The following MPP4 variants were observed in gnomAD, a reference collection of about 807,000 sequenced individuals.
MPP4 encodes the protein MAGUK p55 subfamily member 4.
In MPP4, 91 loss-of-function variants were observed where a neutral mutation model predicts 98.3. That is an observed-to-expected ratio of 0.93 (90% CI 0.78 to 1.10). MPP4 has a LOEUF of 1.10. Among genes scored for constraint, MPP4 ranks in the 50% least tolerant of loss-of-function variants. The probability of loss-of-function intolerance (pLI) is 0.00; values close to 1 mark genes in which losing one functional copy is unlikely to be tolerated. For synonymous variants in MPP4, 261 were observed against 271.8 expected (o/e 0.96, Z 0.39); for missense variants, 744 against 792.9 (o/e 0.94, Z 0.74).
At chr2:201,656,453 A>G (rs1238928369) in intron 16 of MPP4, 85 bp from the exon 17 acceptor site, 5 of 1,306,642 alleles carry the variant, frequency 3.8e-6, no homozygotes, top group South Asian at 1.5e-5. Context: ...TGTAGCAACC[A>G]TGATCCTAAA....
intron 13 of MPP4, among the ~76,000 whole-genome samples, chr2:201,664,792 G>A (rs1318250802): frequency 6.6e-6 from 1 of 152,142 alleles, no homozygotes; most frequent in Non-Finnish European, 1.5e-5. Context: ...GCAATTCATT[G>A]TAGCACTGTT....
At chr2:201,690,959 A>G (rs1254615984) in intron 3 of MPP4, among the ~76,000 whole-genome samples, 1 of 152,204 alleles carries the variant, frequency 6.6e-6, no homozygotes, top group East Asian at 1.9e-4. Flanking sequence ...TATTTTAGGA[A>G]TTGAGTTTCT....
intron 7 of MPP4, among the ~76,000 whole-genome samples, chr2:201,683,742 ACT>A (rs1425469726): frequency 1.3e-5 from 2 of 149,666 alleles, no homozygotes; most frequent in Non-Finnish European, 3.0e-5. Context: ...ACAGAGTGAG[ACT>A]CTGTCTCAAA....
chr2:201,684,327 C>A (rs534234008), intron 7 of MPP4, among the ~76,000 whole-genome samples: 1 of 152,146 alleles, frequency 6.6e-6, no homozygotes, highest in East Asian at 1.9e-4. Flanking sequence ...AAGAGCTATG[C>A]CTTTCTGAAA....
chr2:201,648,559 AAG>A (rs1470184397), intron 20 of MPP4, among the ~76,000 whole-genome samples: 3 of 152,368 alleles, frequency 2.0e-5, no homozygotes, highest in African/African-American at 4.8e-5. Context: ...CTAGCAGAGT[AAG>A]AGTCTATACA....
chr2:201,681,557 C>T lies in MPP4; in HGVS notation c.671G>A (p.Arg224Gln), dbSNP rs370307780. The T allele has an allele frequency of 1.6e-4, 264 of 1,613,254 alleles. 1 individual carries two copies. The highest frequency in any genetic ancestry group is 4.0e-4 in the South Asian group (36 of 90,970). Residue 224 changes from arginine to glutamine, a missense_variant, in exon 9 of 22, where the codon CGA becomes CAA. By Grantham distance (43) the Arg-to-Gln change is conservative. Coordinates refer to ENST00000409474, the MANE Select transcript of MPP4 (RefSeq NM_033066.3). ...EQVIHILAMS[R>Q]GTIMFKVVPV... is the part of the protein sequence containing the mutation. ...AACCACCTTGAACATGATTGTGCCT[C>T]GAGACATGGCCTGGAAAATAAGAGA...
chr2:201,658,634 G>T, intron 15 of MPP4, 116 bp from the exon 16 acceptor site: 1 of 816,110 alleles, frequency 1.2e-6, no homozygotes. Flanking sequence ...CGGCAGCAGA[G>T]TTGAATTTAT....
At chr2:201,650,774 G>A (rs190854043) in intron 18 of MPP4, 1,181 of 985,368 alleles carry the variant, frequency 1.2e-3, no homozygotes, top group Non-Finnish European at 1.3e-3. Context: ...TTGACCAGAT[G>A]CATTAATACC....
chr2:201,666,530 G>GCCTA, intron 12 of MPP4, 158 bp from the exon 13 acceptor site: 1 of 524,716 alleles, frequency 1.9e-6, no homozygotes, highest in Non-Finnish European at 3.3e-6. Flanking sequence ...AGACCAACTT[G>GCCTA]ACCGACATGG....
Position 201,648,108 on chromosome 2 carries a change from C to T in MPP4, c.1585-283G>A, listed in dbSNP as rs114495813. Among the ~76,000 whole-genome samples the T allele has an allele frequency of 6.2e-3, 943 of 152,254 alleles. 9 individuals are homozygous for T. Among genetic ancestry groups the T allele is most frequent in the African/African-American group, 0.022 (916 of 41,542 alleles). ...TGGGATCTCTGCTCACTGCAACTAC[C>T]GCCTTCCCAGTTCAAGCAATTCTTG... On this transcript the variant is annotated intron_variant, in intron 20 of 21. Coordinates refer to ENST00000409474, the MANE Select transcript of MPP4 (RefSeq NM_033066.3).
In MPP4 at chr2:201,657,610, T is replaced by TTG. The variant is rs1553492626; in HGVS notation, c.1129+866_1129+867insCA. Among the ~76,000 whole-genome samples the TTG allele has an allele frequency of 3.4e-4, 47 of 137,602 alleles. 1 individual carries two copies. The highest frequency in any genetic ancestry group is 5.9e-4 in the Admixed American group (8 of 13,598). The allele number at this position is 137,602 out of a possible 152,430, so 90.3% of individuals were successfully genotyped here. ...CCCTTGTTTTTTTTTTGTTTTTTTG[T>TTG]TTTTTTTTGCTTATTGTATCAATCA... On this transcript the variant is annotated intron_variant, in intron 16 of 21. Coordinates refer to ENST00000409474, the MANE Select transcript of MPP4 (RefSeq NM_033066.3).
In MPP4 at chr2:201,666,387, A is replaced by G; in HGVS notation, c.1013-15T>C. The G allele has an allele frequency of 1.3e-6, 2 of 1,526,790 alleles. No homozygotes were observed. Among genetic ancestry groups the G allele is most frequent in the South Asian group, 1.3e-5 (1 of 79,556 alleles). 94.6% of individuals were successfully genotyped at this position (1,526,790 alleles called of 1,614,324 possible). A position where few individuals can be genotyped will look rare whatever the true frequency, so the allele number is the denominator to read the frequency against. ...CATGTCATCTTCTATAAAAGAGTAT[A>G]GAAAGGGAGAAACAGAATTTAAAAT... On this transcript the variant is annotated splice_polypyrimidine_tract_variant and intron_variant, in intron 12 of 21. Coordinates refer to ENST00000409474, the MANE Select transcript of MPP4 (RefSeq NM_033066.3).
chr2:201,660,401 G>T (rs1687991695), intron 14 of MPP4, 55 bp from the exon 15 acceptor site: 21 of 1,586,904 alleles, frequency 1.3e-5, no homozygotes, highest in Non-Finnish European at 1.7e-5. Context: ...CCTTTAAGAA[G>T]ATCATGTTAG....
intron 11 of MPP4, 116 bp from the exon 12 acceptor site, chr2:201,669,866 G>T: frequency 1.3e-6 from 1 of 748,300 alleles, no homozygotes; most frequent in East Asian, 3.4e-5. Flanking sequence ...ATTGTAATTA[G>T]TATTCTGGGT....
intron 14 of MPP4, chr2:201,661,715 G>C: frequency 2.3e-6 from 1 of 440,862 alleles, no homozygotes; most frequent in South Asian, 1.6e-5. Context: ...TTAGAGGTGA[G>C]GAACCTGAAG....
intron 11 of MPP4, 59 bp downstream of exon 11, chr2:201,675,148 G>A: frequency 3.3e-6 from 5 of 1,515,672 alleles, no homozygotes; most frequent in Non-Finnish European, 4.5e-6. Context: ...TTTATTTACT[G>A]CAATGCCATG....
intron 13 of MPP4, 120 bp from the exon 14 acceptor site, chr2:201,664,221 T>C (rs1405771586): frequency 6.7e-7 from 1 of 1,494,714 alleles, no homozygotes. Flanking sequence ...CTTTGTAAAG[T>C]TTTTTTCCTA....
At chr2:201,670,472 C>G (rs1688311538) in intron 11 of MPP4, among the ~76,000 whole-genome samples, 1 of 151,976 alleles carries the variant, frequency 6.6e-6, no homozygotes, top group Admixed American at 6.5e-5. Flanking sequence ...GGCTCGTGGA[C>G]TTAGATATTT....
At chr2:201,664,435 T>A in intron 13 of MPP4, 1 of 1,139,812 alleles carries the variant, frequency 8.8e-7, no homozygotes, top group South Asian at 1.4e-5. Context: ...CCCTAGAGAC[T>A]GTTGGATACT....
Sources: gnomAD v4.1 joint callset for allele counts (sites outside exome capture counted in the v4.1 genomes callset) on GRCh38, gnomAD v4.1.1 for gene constraint, MANE v1.5 for transcripts, NCBI Gene and HGNC (gene_info 2026-07-23, HGNC 2026-07-21) for gene names.